Variants in ATF7IP observed in about 807,000 individuals in gnomAD.
The protein encoded by ATF7IP is activating transcription factor 7 interacting protein, also known as activating transcription factor 7-interacting protein 1.
In ATF7IP, 23 loss-of-function variants were observed where a neutral mutation model predicts 106.4. That is an observed-to-expected ratio of 0.22 (90% CI 0.16 to 0.31). The LOEUF is 0.31. ATF7IP is among the 10% of genes least tolerant of loss of function. ATF7IP has a pLI of 1.00. For missense variants in ATF7IP, 1,334 were observed against 1,524.3 expected (o/e 0.88, Z 2.08); for synonymous variants, 542 against 539.0 (o/e 1.01, Z -0.08).
At position 14,374,097 on chromosome 12, in the gene ATF7IP, CT is replaced by C. The variant is rs879380227; in HGVS notation, c.-8+8283del. Among the ~76,000 whole-genome samples, 558 of 139,022 alleles carry C rather than the reference CT, an allele frequency of 4.0e-3. 1 individual carries two copies. Among genetic ancestry groups the C allele is most frequent in the African/African-American group, 6.8e-3 (258 of 37,984 alleles). The allele number at this position is 139,022 out of a possible 152,430, so 91.2% of individuals were successfully genotyped here. On this transcript the variant is annotated intron_variant, in intron 1 of 14. Coordinates refer to ENST00000261168, the MANE Select transcript of ATF7IP (RefSeq NM_018179.5). ...ACATTTTCCATGATGGAAAATATGACTTTTTTTTTTTTTAATTGAGACTAGG... is the reference window on the plus strand; with the variant it reads ...ACATTTTCCATGATGGAAAATATGACTTTTTTTTTTTTAATTGAGACTAGG...
intron 1 of ATF7IP, among the ~76,000 whole-genome samples, chr12:14,416,514 T>A (rs914585245): frequency 3.9e-5 from 6 of 152,220 alleles, no homozygotes; most frequent in African/African-American, 1.4e-4. Context: ...TTCATTACTT[T>A]GAATTAATAC....
At chr12:14,375,303 TG>T (rs1938693784) in intron 1 of ATF7IP, among the ~76,000 whole-genome samples, 1 of 152,040 alleles carries the variant, frequency 6.6e-6, no homozygotes, top group South Asian at 2.1e-4. Flanking sequence ...ACTTTACATA[TG>T]AAAAATAATA....
chr12:14,476,540 T>C (rs1179482800), intron 11 of ATF7IP: 1 of 152,086 alleles, frequency 6.6e-6, no homozygotes, highest in African/African-American at 2.4e-5. Context: ...ATCTGTTATT[T>C]CACTTGATCC....
intron 1 of ATF7IP, among the ~76,000 whole-genome samples, chr12:14,391,996 C>A (rs1356257180): frequency 2.0e-5 from 3 of 151,998 alleles, no homozygotes; most frequent in African/African-American, 7.2e-5. Flanking sequence ...GCTGGGATTA[C>A]AGGTGTGAGC....
chr12:14,453,851 C>G (rs1943306691), intron 6 of ATF7IP, among the ~76,000 whole-genome samples: 1 of 152,144 alleles, frequency 6.6e-6, no homozygotes, highest in Non-Finnish European at 1.5e-5. Flanking sequence ...TCTTGAACTC[C>G]TGACCTCAGG....
In ATF7IP at chr12:14,385,436, C is replaced by T. The variant is rs750644004; in HGVS notation, c.-8+19609C>T. ...ATTACTCTTTTATCTTAAACATTCT[C>T]ATTTTTTTCTTTTTTAAAAAGGAAT... is the stretch of plus-strand genomic sequence containing the variant. On this transcript the variant is annotated intron_variant, in intron 1 of 14. Transcript: ENST00000261168. 7 of 1,520,896 alleles carry T rather than the reference C, an allele frequency of 4.6e-6. No homozygotes were observed. The South Asian group carries it at 8.5e-5, about 18-fold the overall frequency. 94.2% of individuals were successfully genotyped at this position (1,520,896 alleles called of 1,614,324 possible). A position where few individuals can be genotyped will look rare whatever the true frequency, so the allele number is the denominator to read the frequency against.
chr12:14,439,617 G>C (rs140017249), intron 5 of ATF7IP, among the ~76,000 whole-genome samples: 1 of 152,312 alleles, frequency 6.6e-6, no homozygotes, highest in African/African-American at 2.4e-5. Flanking sequence ...AATCTCTTGA[G>C]TCTAGCAGTT....
intron 1 of ATF7IP, among the ~76,000 whole-genome samples, chr12:14,412,664 A>G (rs1231888839): frequency 6.6e-6 from 1 of 152,042 alleles, no homozygotes; most frequent in Non-Finnish European, 1.5e-5. Context: ...ACTATTTTCT[A>G]TATACAAGAT....
At chr12:14,434,495 T>C (rs1942305395) in intron 3 of ATF7IP, 72 bp downstream of exon 3, 8 of 995,530 alleles carry the variant, frequency 8.0e-6, no homozygotes, top group Non-Finnish European at 1.1e-5. Context: ...TACAACCGTG[T>C]AATATTCTTT....
chr12:14,397,459 A>G (rs1939914164), intron 1 of ATF7IP, among the ~76,000 whole-genome samples: 2 of 152,210 alleles, frequency 1.3e-5, no homozygotes, highest in Non-Finnish European at 2.9e-5. Flanking sequence ...ATAATTATCT[A>G]GTTTATACTT....
Position 14,501,499 on chromosome 12 carries a change from G to A in ATF7IP, c.*3426G>A, listed in dbSNP as rs953496266. ...AAATTTATAAATCACATACGAAGAC[G>A]TCTGTTGCTAACAGTTAACTTTATG... On this transcript the variant is annotated 3_prime_UTR_variant, in exon 15 of 15. Transcript: ENST00000261168. The A allele has an allele frequency of 1.4e-4, 22 of 152,152 alleles. No homozygotes were observed. The highest frequency in any genetic ancestry group is 4.3e-4 in the African/African-American group (18 of 41,442). 9.4% of individuals were successfully genotyped at this position (152,152 alleles called of 1,614,324 possible).
In ATF7IP at chr12:14,477,636, C is replaced by G. The variant is rs1944303915; in HGVS notation, c.2942-681C>G. On this transcript the variant is annotated intron_variant, in intron 11 of 14. Transcript: ENST00000261168. The stretch of plus-strand genomic sequence containing the variant: ...CAAATTCTCACATTCCTAAAGCACA[C>G]TGTTTTCCAATGGCATTAAAGTATC... 2.0e-5 allele frequency among the ~76,000 whole-genome samples: 3 copies of G among 152,202 alleles called. No homozygotes were observed. The South Asian group carries it at 6.2e-4, about 31-fold the overall frequency.
intron 12 of ATF7IP, 37 bp from the exon 13 acceptor site, chr12:14,480,966 T>C: frequency 1.9e-6 from 3 of 1,587,652 alleles, no homozygotes; most frequent in Non-Finnish European, 8.6e-7. Context: ...ACGTAGAATT[T>C]ACTGTATTCT....
intron 13 of ATF7IP, among the ~76,000 whole-genome samples, chr12:14,484,868 G>A (rs1443457380): frequency 6.6e-6 from 1 of 152,068 alleles, no homozygotes; most frequent in African/African-American, 2.4e-5. Flanking sequence ...TGGCTAAATG[G>A]GTCAGAAAGC....
intron 11 of ATF7IP, among the ~76,000 whole-genome samples, chr12:14,476,913 A>G (rs1285077552): frequency 6.6e-6 from 1 of 152,210 alleles, no homozygotes; most frequent in Non-Finnish European, 1.5e-5. Context: ...ATAAAGTTCC[A>G]TGGTTAAGTA....
intron 6 of ATF7IP, among the ~76,000 whole-genome samples, chr12:14,452,377 TTTTG>T (rs1302833799): frequency 6.6e-6 from 1 of 152,170 alleles, no homozygotes; most frequent in Non-Finnish European, 1.5e-5. Context: ...ATTGTTGTCA[TTTTG>T]TTTTTTTCTC....
Position 14,424,663 on chromosome 12 carries a change from G to A in ATF7IP, c.748G>A (p.Ala250Thr), listed in dbSNP as rs371142536. ...ASGAPASTDP[A>T]SDDLASGDLS... Reference sequence around the variant, plus strand: ...TGGAGCACCAGCTTCCACTGATCCAGCCTCTGATGATCTGGCCTCTGGTGA... The same window carrying A: ...TGGAGCACCAGCTTCCACTGATCCAACCTCTGATGATCTGGCCTCTGGTGA... Residue 250 changes from alanine to threonine, a missense_variant, in exon 2 of 15, where the codon GCC becomes ACC. Physicochemically the swap from Ala to Thr is moderately conservative, Grantham distance 58. Around this residue, in one of 10 missense-constraint regions of ATF7IP, gnomAD observed 438 missense variants for 405.3 expected, o/e 1.08. Transcript: ENST00000261168. The A allele has an allele frequency of 5.5e-5, 89 of 1,613,982 alleles. No individual in the cohort carries two copies. Among genetic ancestry groups the A allele is most frequent in the Non-Finnish European group, 6.7e-5 (79 of 1,180,024 alleles).
rs374405699 is a variant in ATF7IP at position 14,453,976 on chromosome 12, T to C, written c.1996-2585T>C. 1.1e-4 allele frequency among the ~76,000 whole-genome samples: 16 copies of C among 152,324 alleles called. No individual in the cohort carries two copies. In the East Asian group the frequency reaches 1.9e-3, roughly 18 times the overall value. On this transcript the variant is annotated intron_variant, in intron 6 of 14. Coordinates refer to ENST00000261168, the MANE Select transcript of ATF7IP (RefSeq NM_018179.5). Reference sequence around the variant, plus strand: ...AATTCATTGGCAGATAATTCATAGCTCTCTGTTACTTTAGGGTTGGTTTTT... The same window carrying C: ...AATTCATTGGCAGATAATTCATAGCCCTCTGTTACTTTAGGGTTGGTTTTT...
chr12:14,492,304 C>A (rs1313592443), intron 13 of ATF7IP, among the ~76,000 whole-genome samples: 1 of 152,164 alleles, frequency 6.6e-6, no homozygotes, highest in Non-Finnish European at 1.5e-5. Context: ...AGCTCAGAAC[C>A]AGTGTCCAGT....
Sources: allele counts gnomAD v4.1 joint callset (sites outside exome capture counted in the v4.1 genomes callset), GRCh38; gene constraint gnomAD v4.1.1; regional missense constraint gnomAD v4.1.1; transcripts MANE v1.5; gene names NCBI Gene and HGNC (gene_info 2026-07-23, HGNC 2026-07-21).